INPP5D: variants seen among roughly 807,000 people sequenced by gnomAD.
INPP5D encodes phosphatidylinositol 3,4,5-trisphosphate 5-phosphatase 1.
A neutral mutation model predicts 122.9 loss-of-function variants in INPP5D; 33 were observed. That is an observed-to-expected ratio of 0.27 (90% CI 0.20 to 0.36). The LOEUF (loss-of-function observed/expected upper bound fraction) is 0.36. Among genes scored for constraint, INPP5D ranks in the 10% least tolerant of loss-of-function variants. INPP5D has a pLI of 1.00. For missense variants in INPP5D, 1,053 were observed against 1,412.7 expected (o/e 0.75, Z 4.08); for synonymous variants, 584 against 576.2 (o/e 1.01, Z -0.19).
At chr2:233,167,525 C>T (rs1453933279) in intron 13 of INPP5D, among the ~76,000 whole-genome samples, 1 of 152,118 alleles carries the variant, frequency 6.6e-6, no homozygotes, top group Non-Finnish European at 1.5e-5. Flanking sequence ...GGGACTGGAA[C>T]CAGTTGCTCA....
chr2:233,185,875 G>C lies in INPP5D; in HGVS notation c.2308G>C (p.Glu770Gln), dbSNP rs2106316515. ...FVKSQEGENE[E>Q]GSEGELVVKF... Reference sequence around the variant, plus strand: ...CAAGAGTCAGGAAGGAGAAAATGAAGAAGGAAGTGAGGGGGAGCTGGTGGT... The same window carrying C: ...CAAGAGTCAGGAAGGAGAAAATGAACAAGGAAGTGAGGGGGAGCTGGTGGT... Residue 770 changes from glutamate to glutamine, a missense_variant, in exon 21 of 27, where the codon GAA becomes CAA. Around this residue, in one of 6 missense-constraint regions of INPP5D, gnomAD observed 258 missense variants for 439.1 expected, o/e 0.59. Coordinates refer to ENST00000445964, the MANE Select transcript of INPP5D (RefSeq NM_001017915.3). 6.2e-7 allele frequency: 1 copy of C among 1,610,132 alleles called. No individual in the cohort carries two copies. Among genetic ancestry groups the C allele is most frequent in the South Asian group, 1.1e-5 (1 of 89,904 alleles).
intron 9 of INPP5D, among the ~76,000 whole-genome samples, chr2:233,152,386 A>C (rs997985830): frequency 6.6e-6 from 1 of 152,166 alleles, no homozygotes; most frequent in Non-Finnish European, 1.5e-5. Flanking sequence ...TCAAATCATA[A>C]AATATTCATG....
chr2:233,084,137 C>G (rs989799580), intron 2 of INPP5D, among the ~76,000 whole-genome samples: 1 of 152,208 alleles, frequency 6.6e-6, no homozygotes, highest in Non-Finnish European at 1.5e-5. Context: ...TCACTGCAAC[C>G]TCTGCTCCCA....
intron 10 of INPP5D, 44 bp from the exon 11 acceptor site, chr2:233,161,680 G>T: frequency 6.3e-7 from 1 of 1,576,570 alleles, no homozygotes; most frequent in Non-Finnish European, 8.6e-7. Flanking sequence ...TAATGTGCAG[G>T]GAGGCAGAGG....
rs931072190 is a variant in INPP5D, at chr2:233,189,053, T to C, written c.2359-797T>C. Reference sequence around the variant, plus strand: ...AACAGCCCCACATCTGAAAAAGTCATAACTCGTGGCAGACGAGGAGCTAGT... The same window carrying C: ...AACAGCCCCACATCTGAAAAAGTCACAACTCGTGGCAGACGAGGAGCTAGT... On this transcript the variant is annotated intron_variant, in intron 21 of 26. Transcript: ENST00000445964. The surrounding 1 kb of genome is among the most constrained non-coding windows in gnomAD (Gnocchi z 5.6). Among the ~76,000 whole-genome samples, 2 of 152,150 alleles carry C rather than the reference T, an allele frequency of 1.3e-5. No homozygotes were observed. Among genetic ancestry groups the C allele is most frequent in the Non-Finnish European group, 2.9e-5 (2 of 68,014 alleles).
chr2:233,137,895 T>C lies in INPP5D; in HGVS notation c.666-1947T>C, dbSNP rs865782890. ...ATATATATATATATATATATATATA[T>C]ATACACACACACACACACATACACA... On this transcript the variant is annotated intron_variant, in intron 5 of 26. Transcript: ENST00000445964. Among the ~76,000 whole-genome samples the C allele has an allele frequency of 7.8e-3, 403 of 51,904 alleles. 30 individuals are homozygous for C. The highest frequency in any genetic ancestry group is 0.025 in the African/African-American group (384 of 15,376). The allele number at this position is 51,904 out of a possible 152,430, so 34.1% of individuals were successfully genotyped here.
rs1367420437 is a variant in INPP5D at position 233,100,081 on chromosome 2, T to C, written c.198+20683T>C. Among the ~76,000 whole-genome samples the C allele has an allele frequency of 1.3e-5, 2 of 152,180 alleles. No homozygotes were observed. Among genetic ancestry groups the C allele is most frequent in the Non-Finnish European group, 2.9e-5 (2 of 68,026 alleles). On this transcript the variant is annotated intron_variant, in intron 2 of 26. Transcript: ENST00000445964. The surrounding 1 kb of genome is among the most constrained non-coding windows in gnomAD (Gnocchi z 5.3). ...GGGTTCCTCCCACGACACGTGGGAATTGTGGGAGTTACAATTCAAGATGAG... is the reference window on the plus strand; with the variant it reads ...GGGTTCCTCCCACGACACGTGGGAACTGTGGGAGTTACAATTCAAGATGAG...
chr2:233,120,797 C>T (rs1393491873), intron 2 of INPP5D: 2 of 152,224 alleles, frequency 1.3e-5, no homozygotes, highest in African/African-American at 4.8e-5. Flanking sequence ...GGGATCTGCC[C>T]CAGGGCATTT....
At chr2:233,161,974 C>G (rs1281515285) in intron 11 of INPP5D, 148 bp downstream of exon 11, 1 of 1,288,026 alleles carries the variant, frequency 7.8e-7, no homozygotes, top group Non-Finnish European at 1.0e-6. Context: ...CCCACCCGCA[C>G]AACCTCCTTC....
At chr2:233,205,308 GCACTCC>G (rs1695465528) in intron 26 of INPP5D, 4 of 136,972 alleles carry the variant, frequency 2.9e-5, no homozygotes, top group Non-Finnish European at 6.1e-5. Flanking sequence ...TTGCGCCACT[GCACTCC>G]AGCCTGGTGA....
At chr2:233,165,869 TGC>T (rs1491046711) in intron 13 of INPP5D, among the ~76,000 whole-genome samples, 2 of 147,526 alleles carry the variant, frequency 1.4e-5, no homozygotes. Flanking sequence ...TGTGTGTGTG[TGC>T]CCGTGTGTGC....
intron 25 of INPP5D, among the ~76,000 whole-genome samples, chr2:233,198,764 A>G (rs992619233): frequency 6.6e-6 from 1 of 151,430 alleles, no homozygotes; most frequent in African/African-American, 2.4e-5. Context: ...CAGCCTGACC[A>G]ACATGGAAAA....
chr2:233,124,581 ACT>A (rs1693097114), intron 3 of INPP5D, among the ~76,000 whole-genome samples: 1 of 152,078 alleles, frequency 6.6e-6, no homozygotes, highest in Non-Finnish European at 1.5e-5. Flanking sequence ...GCCCAAGGTC[ACT>A]CACCAGCACC....
At chr2:233,066,962 G>A (rs60486020) in intron 1 of INPP5D, among the ~76,000 whole-genome samples, 14,969 of 152,180 alleles carry the variant, frequency 0.098, 1,485 homozygotes, top group East Asian at 0.27. Flanking sequence ...ATTTTTAGTA[G>A]AGACGAGGTT....
At chr2:233,086,432 G>C (rs1053667479) in intron 2 of INPP5D, among the ~76,000 whole-genome samples, 5 of 151,974 alleles carry the variant, frequency 3.3e-5, no homozygotes, top group African/African-American at 1.2e-4. Flanking sequence ...GCTCGCCTTG[G>C]CCTCCCAAAG....
intron 22 of INPP5D, among the ~76,000 whole-genome samples, chr2:233,190,915 C>T (rs775012135): frequency 2.0e-5 from 3 of 152,150 alleles, no homozygotes; most frequent in Non-Finnish European, 2.9e-5. Context: ...CTTGGAAATC[C>T]GCATCTGCAG....
intron 1 of INPP5D, among the ~76,000 whole-genome samples, chr2:233,073,102 C>T (rs760216805): frequency 9.2e-5 from 14 of 152,164 alleles, no homozygotes; most frequent in South Asian, 2.1e-4. Flanking sequence ...GCTGGTGCCT[C>T]GCTTCAGCCA....
chr2:233,112,491 C>T (rs1191555551), intron 2 of INPP5D, among the ~76,000 whole-genome samples: 5 of 152,152 alleles, frequency 3.3e-5, no homozygotes, highest in Non-Finnish European at 5.9e-5. Flanking sequence ...GATTCAAAGG[C>T]TGCTAGAATC....
rs550668621 is a variant in INPP5D at position 233,061,174 on chromosome 2, C to T, written c.134+562C>T. ...CAGAGGAAGTCACCATTACCACCAG[C>T]GAGCAGCCTCTTCTCTCTCCTGAGC... On this transcript the variant is annotated intron_variant, in intron 1 of 26. Coordinates refer to ENST00000445964, the MANE Select transcript of INPP5D (RefSeq NM_001017915.3). Among the ~76,000 whole-genome samples the T allele has an allele frequency of 1.2e-3, 185 of 152,168 alleles. 1 individual carries two copies. Among genetic ancestry groups the T allele is most frequent in the African/African-American group, 3.3e-3 (137 of 41,540 alleles).
Sources: gnomAD v4.1 joint callset for allele counts (sites outside exome capture counted in the v4.1 genomes callset) on GRCh38, gnomAD v4.1.1 for gene constraint, gnomAD v4.1.1 regional missense constraint, Gnocchi (gnomAD v3.1) non-coding constraint, MANE v1.5 for transcripts, NCBI Gene and HGNC (gene_info 2026-07-23, HGNC 2026-07-21) for gene names.